The following IQCE variants were observed in gnomAD, a reference collection of about 807,000 sequenced individuals.
The protein encoded by IQCE is IQ domain-containing protein E.
A neutral mutation model predicts 96.0 loss-of-function variants in IQCE; 115 were observed. The ratio of observed to expected loss-of-function variants is 1.20; its 90% CI spans 1.03 to 1.40. The LOEUF is 1.40. Among genes scored for constraint, IQCE ranks in the 40% most tolerant of loss-of-function variants. The probability of loss-of-function intolerance (pLI) is 0.00; values close to 1 mark genes in which losing one functional copy is unlikely to be tolerated. For synonymous variants in IQCE, 412 were observed against 371.2 expected (o/e 1.11, Z -1.26); for missense variants, 1,041 against 909.1 (o/e 1.15, Z -1.87).
At chr7:2,597,241 T>C (rs1381292854) in intron 16 of IQCE, 3 of 417,014 alleles carry the variant, frequency 7.2e-6, no homozygotes, top group Middle Eastern at 8.3e-4. Context: ...CCCTGGGTGA[T>C]TAAGGCTGAG....
intron 1 of IQCE, among the ~76,000 whole-genome samples, chr7:2,561,121 C>A (rs1176228801): frequency 9.8e-6 from 1 of 102,362 alleles, no homozygotes; most frequent in Non-Finnish European, 1.9e-5. Context: ...CCACACCCAG[C>A]TAATTTTTCT....
chr7:2,559,451 C>T lies in IQCE; in HGVS notation c.36+234C>T, dbSNP rs1252127959. On this transcript the variant is annotated intron_variant, in intron 1 of 21. Coordinates refer to ENST00000402050, the MANE Select transcript of IQCE (RefSeq NM_152558.5). The stretch of plus-strand genomic sequence containing the variant: ...CAGAGGCCGCCGCTTCCAGGAAGCT[C>T]TCCGGGACGCCGCGCCCTCGCCTCT... 107 of 275,198 alleles carry T rather than the reference C, an allele frequency of 3.9e-4. 2 individuals carry two copies. In the East Asian group the frequency reaches 6.6e-3, roughly 17 times the overall value. 17.0% of individuals were successfully genotyped at this position (275,198 alleles called of 1,614,324 possible). A position where few individuals can be genotyped will look rare whatever the true frequency, so the allele number is the denominator to read the frequency against.
chr7:2,603,728 C>T (rs958370839), intron 18 of IQCE, among the ~76,000 whole-genome samples: 4 of 152,186 alleles, frequency 2.6e-5, no homozygotes, highest in Non-Finnish European at 4.4e-5. Context: ...CGTTAATAGC[C>T]GGCGCTGCCT....
At chr7:2,572,564 T>G in intron 5 of IQCE, 1 of 622,630 alleles carries the variant, frequency 1.6e-6, no homozygotes, top group Non-Finnish European at 2.9e-6. Context: ...AGGTGTCATC[T>G]GTACCTCCCT....
At chr7:2,586,488 T>C in intron 12 of IQCE, 117 bp downstream of exon 12, 1 of 1,139,660 alleles carries the variant, frequency 8.8e-7, no homozygotes, top group Non-Finnish European at 1.2e-6. Context: ...TGTGAACCCT[T>C]GGGCAACGCC....
At position 2,614,682 on chromosome 7, in the gene IQCE, T is replaced by C. The variant is rs1785227273; in HGVS notation, c.*4520T>C. 1 of 152,238 alleles carries C rather than the reference T, an allele frequency of 6.6e-6. No homozygotes were observed. The highest frequency in any genetic ancestry group is 2.4e-5 in the African/African-American group (1 of 41,450). The allele number at this position is 152,238 out of a possible 1,614,324, so 9.4% of individuals were successfully genotyped here. A position where few individuals can be genotyped will look rare whatever the true frequency, so the allele number is the denominator to read the frequency against. On this transcript the variant is annotated 3_prime_UTR_variant, in exon 22 of 22. Coordinates refer to ENST00000402050, the MANE Select transcript of IQCE (RefSeq NM_152558.5). Reference sequence around the variant, plus strand: ...AAGGTTTTCATTCTTGTGCAACTCATTATTCTCATTATTGGCCTTTTAAAT... The same window carrying C: ...AAGGTTTTCATTCTTGTGCAACTCACTATTCTCATTATTGGCCTTTTAAAT...
rs774312827 is a variant in IQCE at position 2,568,863 on chromosome 7, C to T, written c.85-91C>T. 351 of 1,209,554 alleles carry T rather than the reference C, an allele frequency of 2.9e-4. 1 individual carries two copies. Among genetic ancestry groups the T allele is most frequent in the Non-Finnish European group, 4.0e-4 (332 of 831,490 alleles). The allele number at this position is 1,209,554 out of a possible 1,614,324, so 74.9% of individuals were successfully genotyped here. A position where few individuals can be genotyped will look rare whatever the true frequency, so the allele number is the denominator to read the frequency against. ...CTCACGTCCTCTTGCTGCTCTTACA[C>T]GACCCCTGACCCTTTCTGAACATGG... On this transcript the variant is annotated intron_variant, in intron 2 of 21. Transcript: ENST00000402050.
rs142176145 is a variant in IQCE, at chr7:2,580,902, T to G, written c.631-1678T>G. 9.5e-3 allele frequency among the ~76,000 whole-genome samples: 1,450 copies of G among 152,178 alleles called. 20 individuals carry two copies. Among genetic ancestry groups the G allele is most frequent in the African/African-American group, 0.033 (1,377 of 41,524 alleles). On this transcript the variant is annotated intron_variant, in intron 8 of 21. Transcript: ENST00000402050. ...AGAGGGGAGTGGCCAGGTCAGAGTATTTTAGCCTCTATAACATCATCTTTT... is the reference window on the plus strand; with the variant it reads ...AGAGGGGAGTGGCCAGGTCAGAGTAGTTTAGCCTCTATAACATCATCTTTT...
At position 2,595,055 on chromosome 7, in the gene IQCE, C is replaced by T. The variant is rs1191175283; in HGVS notation, c.1440+79C>T. The stretch of plus-strand genomic sequence containing the variant: ...TGACGGTTCTGACCGTTTCCCTGTC[C>T]AGAGTTTTTTCTGACCAGCCACTGA... On this transcript the variant is annotated intron_variant, in intron 16 of 21. Coordinates refer to ENST00000402050, the MANE Select transcript of IQCE (RefSeq NM_152558.5). The T allele has an allele frequency of 5.0e-6, 5 of 1,007,604 alleles. No individual in the cohort carries two copies. In the East Asian group the frequency reaches 9.6e-5, roughly 19 times the overall value. The allele number at this position is 1,007,604 out of a possible 1,614,324, so 62.4% of individuals were successfully genotyped here.
At chr7:2,562,551 CT>C (rs1781042811) in intron 1 of IQCE, among the ~76,000 whole-genome samples, 1 of 148,632 alleles carries the variant, frequency 6.7e-6, no homozygotes. Context: ...CCATGTGGTT[CT>C]GGGTGTTTCT....
intron 1 of IQCE, chr7:2,559,490 T>A: frequency 4.2e-6 from 1 of 235,838 alleles, no homozygotes; most frequent in East Asian, 8.0e-5. Context: ...CGCCTGCGAG[T>A]CTGCGGCCCG....
rs73287593 is a variant in IQCE at position 2,563,575 on chromosome 7, T to G, written c.37-3541T>G. ...ATGTGATCTTTTTAAAATATAGACA[T>G]TTACAGCTGTATGTTTCTCTTTGAG... On this transcript the variant is annotated intron_variant, in intron 1 of 21. Transcript: ENST00000402050. Among the ~76,000 whole-genome samples, 1,476 of 152,142 alleles carry G rather than the reference T, an allele frequency of 9.7e-3. 23 individuals are homozygous for G. The highest frequency in any genetic ancestry group is 0.034 in the African/African-American group (1,390 of 41,488).
chr7:2,569,048 G>A (rs765052494), intron 3 of IQCE, 49 bp downstream of exon 3: 11 of 1,558,260 alleles, frequency 7.1e-6, no homozygotes, highest in African/African-American at 1.4e-5. Flanking sequence ...GTTCCCTGGT[G>A]TCCTGGAGAG....
At chr7:2,575,250 A>G (rs2969047) in intron 6 of IQCE, among the ~76,000 whole-genome samples, 114,255 of 152,202 alleles carry the variant, frequency 0.75, 43,098 homozygotes, top group African/African-American at 0.77. Context: ...AGGGGGTACC[A>G]CCTCGTTATC....
chr7:2,589,409 A>G (rs78767567), intron 13 of IQCE, among the ~76,000 whole-genome samples: 4,293 of 152,178 alleles, frequency 0.028, 214 homozygotes, highest in African/African-American at 0.097. Context: ...TAAAATATAG[A>G]ACTTGTTGGG....
chr7:2,572,599 A>G (rs898870870), intron 5 of IQCE: 12 of 606,884 alleles, frequency 2.0e-5, no homozygotes, highest in Non-Finnish European at 3.3e-5. Flanking sequence ...GCGTACTTAA[A>G]TTTATTCATT....
At chr7:2,600,596 C>T (rs900697880) in intron 17 of IQCE, among the ~76,000 whole-genome samples, 6 of 152,220 alleles carry the variant, frequency 3.9e-5, no homozygotes, top group African/African-American at 1.4e-4. Flanking sequence ...CCTTTAGGTG[C>T]TAAGCAGATG....
chr7:2,579,316 C>T (rs144811878), intron 8 of IQCE, among the ~76,000 whole-genome samples: 6 of 151,866 alleles, frequency 4.0e-5, no homozygotes, highest in South Asian at 4.2e-4. Flanking sequence ...GATTATTGAA[C>T]GCAAAGAATA....
intron 10 of IQCE, among the ~76,000 whole-genome samples, chr7:2,584,007 AGTGGGAGGGGACCGGCGCTGGCCCCGG>A: frequency 7.0e-6 from 1 of 143,096 alleles, no homozygotes; most frequent in Non-Finnish European, 1.5e-5. Flanking sequence ...GCGGGCACCG[AGTGGGAGGGGACCGGCGCTGGCCCCGG>A]GTGGTGGGCC....
Sources: allele counts gnomAD v4.1 joint callset (sites outside exome capture counted in the v4.1 genomes callset), GRCh38; gene constraint gnomAD v4.1.1; transcripts MANE v1.5; gene names NCBI Gene and HGNC (gene_info 2026-07-23, HGNC 2026-07-21).